Variants in AMN observed in about 807,000 individuals in gnomAD.
The protein encoded by AMN is amnion associated transmembrane protein.
Under a neutral mutation model 49.1 loss-of-function variants are expected in AMN, and 40 were observed. The observed-to-expected ratio is 0.81, with a 90% CI of 0.63 to 1.06. The LOEUF (loss-of-function observed/expected upper bound fraction) is 1.06, where lower values mean the gene tolerates loss of function less well. Among genes scored for constraint, AMN ranks in the 50% least tolerant of loss-of-function variants. The pLI is 0.00. For synonymous variants in AMN, 380 were observed against 313.3 expected (o/e 1.21, Z -2.25); for missense variants, 701 against 662.8 (o/e 1.06, Z -0.63).
chr14:102,928,593 GCGAGGA>G (rs979104089), intron 4 of AMN, 80 bp downstream of exon 4: 171 of 1,521,472 alleles, frequency 1.1e-4, no homozygotes, highest in Non-Finnish European at 1.5e-4. Context: ...GTCGAGGGGG[GCGAGGA>G]CCGGAGGGAG....
chr14:102,923,117 G>A (rs1243366654), intron 1 of AMN: 2 of 263,894 alleles, frequency 7.6e-6, no homozygotes, highest in East Asian at 1.0e-4. Flanking sequence ...AGGGAGCACT[G>A]AGCCCTCCTC....
chr14:102,928,614 C>T, intron 4 of AMN, 101 bp downstream of exon 4: 1 of 1,496,508 alleles, frequency 6.7e-7, no homozygotes. Context: ...AGGGAGGGCG[C>T]CTCCGGGGGC....
chr14:102,929,208 G>T lies in AMN; in HGVS notation c.601G>T (p.Gly201Cys), dbSNP rs1390345853. 3 of 1,581,930 alleles carry T rather than the reference G, an allele frequency of 1.9e-6. No individual in the cohort carries two copies. Among genetic ancestry groups the T allele is most frequent in the Admixed American group, 1.7e-5 (1 of 58,106 alleles). Reference protein sequence around the residue: ...RFHGPGALSVGPEDCADPSGC... With the variant: ...RFHGPGALSVCPEDCADPSGC... The stretch of plus-strand genomic sequence containing the variant: ...CCACGGGCCGGGCGCGCTGAGCGTG[G>T]GCCCCGAGGACTGCGCGGACCCGTC... Residue 201 changes from glycine (G) to cysteine (C), a missense_variant, in exon 6 of 12, where the codon GGC (glycine) becomes TGC (cysteine). Transcript: ENST00000299155.
Position 102,927,279 on chromosome 14 carries a change from T to A in AMN, c.208-1147T>A, listed in dbSNP as rs188203130. 1.1e-4 allele frequency among the ~76,000 whole-genome samples: 17 copies of A among 152,290 alleles called. No homozygotes were observed. The East Asian group carries it at 3.3e-3, about 29-fold the overall frequency. On this transcript the variant is annotated intron_variant, in intron 3 of 11. Transcript: ENST00000299155. ...TTTTAAATTTTTTGTAGAGATGGAG[T>A]CTCACTATGTTTCTCACCAGGCTGA... is the stretch of plus-strand genomic sequence containing the variant.
Position 102,928,983 on chromosome 14 carries a change from C to G in AMN, c.513+8C>G, listed in dbSNP as rs764938272. On this transcript the variant is annotated splice_region_variant and intron_variant, in intron 5 of 11. Transcript: ENST00000299155. ...ATCTCGGCTCTGGGCCGGGTGAGCA[C>G]TGAGGGGAGGGAGGCTCGGGTCCCC... 1.3e-6 allele frequency: 2 copies of G among 1,597,744 alleles called. No individual in the cohort carries two copies. Among genetic ancestry groups the G allele is most frequent in the East Asian group, 2.2e-5 (1 of 44,794 alleles).
chr14:102,923,259 A>T (rs1255701289), intron 1 of AMN: 5 of 267,548 alleles, frequency 1.9e-5, no homozygotes, highest in South Asian at 8.5e-5. Context: ...GCCCCTTCTT[A>T]CTTCTCATAC....
rs759053400 is a variant in AMN, at chr14:102,923,786, G to T, written c.119G>T (p.Arg40Leu). 1.2e-6 allele frequency: 2 copies of T among 1,612,628 alleles called. No homozygotes were observed. Among genetic ancestry groups the T allele is most frequent in the Non-Finnish European group, 1.7e-6 (2 of 1,179,864 alleles). ...FDVAANWSQN[R>L]TPCAGGAVEF... ...GTCGCAGCCAACTGGAGCCAGAACC[G>T]GACCCCGTGCGCCGGCGGCGCCGTT... The change falls in exon 2 of 12, where the codon CGG becomes CTG. Residue 40 changes from arginine (R) to leucine (L), a missense_variant. Arg to Leu is a moderately radical substitution (Grantham distance 102). Transcript: ENST00000299155.
rs542237999 is a variant in AMN, at chr14:102,930,069, C to A, written c.989C>A (p.Ala330Glu). 78 of 1,542,204 alleles carry A rather than the reference C, an allele frequency of 5.1e-5. 1 individual carries two copies. The South Asian group carries it at 9.2e-4, about 18-fold the overall frequency. The change falls in exon 9 of 12, where the codon GCG (alanine) becomes GAG (glutamate). Residue 330 changes from alanine to glutamate, a missense_variant. Ala to Glu is a moderately radical substitution (Grantham distance 107, BLOSUM62 -1). Coordinates refer to ENST00000299155, the MANE Select transcript of AMN (RefSeq NM_030943.4). ...GGGCGGCTGGCCCGGGCCCTCCTGG[C>A]GGACGTCGCCGAGAACGGTAACCGC... ...GAGRLARALL[A>E]DVAENGEALG...
chr14:102,924,994 G>T (rs1279185620), intron 3 of AMN, among the ~76,000 whole-genome samples: 1 of 152,226 alleles, frequency 6.6e-6, no homozygotes, highest in Non-Finnish European at 1.5e-5. Context: ...CTGGCACACA[G>T]CCTGCCCGCT....
At chr14:102,924,540 G>A (rs1891145304) in intron 3 of AMN, among the ~76,000 whole-genome samples, 1 of 152,168 alleles carries the variant, frequency 6.6e-6, no homozygotes, top group South Asian at 2.1e-4. Flanking sequence ...TCTGAGATGG[G>A]ACAGCTTAAT....
In AMN at chr14:102,929,479, C is replaced by T; in HGVS notation, c.703C>T (p.Pro235Ser). 5 of 1,532,002 alleles carry T rather than the reference C, an allele frequency of 3.3e-6. No homozygotes were observed. The highest frequency in any genetic ancestry group is 3.5e-6 in the Non-Finnish European group (4 of 1,145,322). The allele number at this position is 1,532,002 out of a possible 1,614,324, so 94.9% of individuals were successfully genotyped here. A position where few individuals can be genotyped will look rare whatever the true frequency, so the allele number is the denominator to read the frequency against. ...GCTCCAGCCCCTGGGCGGCCGCTGC[C>T]CCCAGGCCGCCTGCCACAGCGCCCT... Reference protein sequence around the residue: ...ALLQPLGGRCPQAACHSALRP... With the variant: ...ALLQPLGGRCSQAACHSALRP... The change falls in exon 7 of 12, where the codon CCC becomes TCC. Residue 235 changes from proline to serine, a missense_variant. Pro to Ser is a moderately conservative substitution (Grantham distance 74). Transcript: ENST00000299155.
intron 6 of AMN, 59 bp from the exon 7 acceptor site, chr14:102,929,369 C>A (rs1595433871): frequency 2.6e-6 from 4 of 1,515,718 alleles, no homozygotes; most frequent in African/African-American, 2.8e-5. Flanking sequence ...TCGGAGGCAT[C>A]GCCCTTCTCG....
chr14:102,922,669 G>T lies in AMN; in HGVS notation c.-20G>T. 1 of 1,597,382 alleles carries T rather than the reference G, an allele frequency of 6.3e-7. No individual in the cohort carries two copies. Among genetic ancestry groups the T allele is most frequent in the Non-Finnish European group, 8.5e-7 (1 of 1,175,114 alleles). ...CAGTGGGGCAAAGTCTCCTGGTGGGGTGCAAGGAGCCGAGGCGAGATGGGC... is the reference window on the plus strand; with the variant it reads ...CAGTGGGGCAAAGTCTCCTGGTGGGTTGCAAGGAGCCGAGGCGAGATGGGC... On this transcript the variant is annotated 5_prime_UTR_variant, in exon 1 of 12. Coordinates refer to ENST00000299155, the MANE Select transcript of AMN (RefSeq NM_030943.4).
At chr14:102,929,765 G>A (rs1357175950) in intron 8 of AMN, 28 bp downstream of exon 8, 1 of 1,548,758 alleles carries the variant, frequency 6.5e-7, no homozygotes, top group Non-Finnish European at 8.7e-7. Context: ...GCAGCTGAGG[G>A]GAGTCCCGAC....
chr14:102,926,064 A>G (rs1441257794), intron 3 of AMN, among the ~76,000 whole-genome samples: 1 of 152,084 alleles, frequency 6.6e-6, no homozygotes, highest in Non-Finnish European at 1.5e-5. Flanking sequence ...TCTTTCACCC[A>G]TCCCCCTGCC....
chr14:102,924,091 G>C (rs1407721376), intron 3 of AMN, 112 bp downstream of exon 3: 5 of 1,479,520 alleles, frequency 3.4e-6, no homozygotes, highest in Non-Finnish European at 4.7e-6. Flanking sequence ...GGCACTGCAG[G>C]ACTGGGACTT....
rs574487349 is a variant in AMN at position 102,927,358 on chromosome 14, G to A, written c.208-1068G>A. Among the ~76,000 whole-genome samples, 12 of 152,274 alleles carry A rather than the reference G, an allele frequency of 7.9e-5. No individual in the cohort carries two copies. In the South Asian group the frequency reaches 8.3e-4, roughly 11 times the overall value. ...CTCGTCTGTTCAACTATTATGTTAC[G>A]TTTCTATTTTTCCCCTTCGTTCTTT... On this transcript the variant is annotated intron_variant, in intron 3 of 11. Transcript: ENST00000299155.
Position 102,930,272 on chromosome 14 carries a change from G to A in AMN, c.1114G>A (p.Ala372Thr). Residue 372 changes from alanine (A) to threonine (T), a missense_variant, in exon 10 of 12, where the codon GCG becomes ACG. Physicochemically the swap from Ala to Thr is moderately conservative, Grantham distance 58 (BLOSUM62 0). Transcript: ENST00000299155. ...CGGCGTGGCGGCTGCCGTGCTGCTG[G>A]CGCTGCTGGTCCTGCTGGTGGCGCC... ...AGGVAAAVLLALLVLLVAPPL... is the reference protein window; with the variant it reads ...AGGVAAAVLLTLLVLLVAPPL... The A allele has an allele frequency of 7.2e-7, 1 of 1,385,300 alleles. No individual in the cohort carries two copies. Among genetic ancestry groups the A allele is most frequent in the South Asian group, 1.7e-5 (1 of 60,462 alleles). 85.8% of individuals were successfully genotyped at this position (1,385,300 alleles called of 1,614,324 possible).
In AMN at chr14:102,925,646, G is replaced by A. The variant is rs141088722; in HGVS notation, c.207+1667G>A. ...TTTCCCCCTACTCCCCTCCCCTGCC[G>A]GCCTCCTTACTTTCATGATCTCCTT... On this transcript the variant is annotated intron_variant, in intron 3 of 11. Coordinates refer to ENST00000299155, the MANE Select transcript of AMN (RefSeq NM_030943.4). 5.1e-4 allele frequency among the ~76,000 whole-genome samples: 78 copies of A among 152,174 alleles called. 1 individual carries two copies. The East Asian group carries it at 0.011, about 21-fold the overall frequency.
Sources: gnomAD v4.1 joint callset for allele counts (sites outside exome capture counted in the v4.1 genomes callset) on GRCh38, gnomAD v4.1.1 for gene constraint, MANE v1.5 for transcripts, NCBI Gene and HGNC (gene_info 2026-07-23, HGNC 2026-07-21) for gene names.